Variants in FSTL4 observed in about 807,000 individuals in gnomAD.
The protein encoded by FSTL4 is follistatin-related protein 4.
Under a neutral mutation model 78.2 loss-of-function variants are expected in FSTL4, and 28 were observed. The observed-to-expected ratio is 0.36, with a 90% CI of 0.27 to 0.49. The LOEUF (loss-of-function observed/expected upper bound fraction) is 0.49, where lower values mean the gene tolerates loss of function less well. Among genes scored for constraint, FSTL4 ranks in the 20% least tolerant of loss-of-function variants. FSTL4 has a pLI of 0.98. For synonymous variants in FSTL4, 422 were observed against 440.5 expected (o/e 0.96, Z 0.53); for missense variants, 922 against 1,084.9 (o/e 0.85, Z 2.11).
chr5:133,542,224 TTCTTA>T (rs1286069194), intron 3 of FSTL4, among the ~76,000 whole-genome samples: 1 of 152,206 alleles, frequency 6.6e-6, no homozygotes, highest in Non-Finnish European at 1.5e-5. Context: ...TAAAATACTT[TTCTTA>T]TATCTATTGA....
At chr5:133,647,206 G>A in the FSTL4 span, among the ~76,000 whole-genome samples, 1 of 152,124 alleles carries the variant, frequency 6.6e-6, no homozygotes, top group Non-Finnish European at 1.5e-5. Flanking sequence ...ATCAGGAGAA[G>A]ATACAGCAGA....
At chr5:133,757,393 G>C in the FSTL4 span, among the ~76,000 whole-genome samples, 205 of 152,280 alleles carry the variant, frequency 1.3e-3, 3 homozygotes, top group South Asian at 0.021. Context: ...GTTTGAACCA[G>C]CTGTATTTCA....
chr5:133,730,086 G>A, the FSTL4 span, among the ~76,000 whole-genome samples: 4 of 152,204 alleles, frequency 2.6e-5, no homozygotes, highest in Non-Finnish European at 5.9e-5. Context: ...GATTGTGGGA[G>A]CCTGAGGAGA....
chr5:133,225,016 G>A lies in FSTL4; in HGVS notation c.1312+134C>T, dbSNP rs1751280198. ...CCCTCCAATTCCAGCTTTATGCAAA[G>A]AGGGATATGAGGCTTACCCCTGTCT... On this transcript the variant is annotated intron_variant, in intron 10 of 15. Coordinates refer to ENST00000265342, the MANE Select transcript of FSTL4 (RefSeq NM_015082.2). The surrounding 1 kb of genome is among the most constrained non-coding windows in gnomAD (Gnocchi z 4.6). The A allele has an allele frequency of 1.0e-6, 1 of 997,758 alleles. No homozygotes were observed. The highest frequency in any genetic ancestry group is 1.6e-5 in the African/African-American group (1 of 63,468). The allele number at this position is 997,758 out of a possible 1,614,324, so 61.8% of individuals were successfully genotyped here.
chr5:133,482,420 G>A (rs535456736), intron 3 of FSTL4, among the ~76,000 whole-genome samples: 2 of 152,244 alleles, frequency 1.3e-5, no homozygotes, highest in African/African-American at 2.4e-5. Flanking sequence ...GGCAAGGGTA[G>A]GGGCTGCCCA....
chr5:133,348,612 G>A (rs903082887), intron 4 of FSTL4, among the ~76,000 whole-genome samples: 20 of 152,224 alleles, frequency 1.3e-4, no homozygotes, highest in Non-Finnish European at 4.4e-5. Flanking sequence ...GAGTGCTCAC[G>A]GAGGTGACTG....
At chr5:133,472,134 A>G (rs1204093882) in intron 3 of FSTL4, among the ~76,000 whole-genome samples, 3 of 152,234 alleles carry the variant, frequency 2.0e-5, no homozygotes, top group Non-Finnish European at 4.4e-5. Context: ...TGAGTATACA[A>G]TAAACTGTAT....
At chr5:133,773,764 G>A in the FSTL4 span, among the ~76,000 whole-genome samples, 1 of 152,042 alleles carries the variant, frequency 6.6e-6, no homozygotes, top group Non-Finnish European at 1.5e-5. Flanking sequence ...TTACTCTTTT[G>A]AGTGTGTCAC....
intron 4 of FSTL4, among the ~76,000 whole-genome samples, chr5:133,352,944 T>C (rs1375775150): frequency 6.6e-6 from 1 of 152,238 alleles, no homozygotes; most frequent in Non-Finnish European, 1.5e-5. Flanking sequence ...AATTATATTT[T>C]AATCAAAGAT....
At chr5:133,753,381 C>A in the FSTL4 span, among the ~76,000 whole-genome samples, 1 of 152,156 alleles carries the variant, frequency 6.6e-6, no homozygotes, top group Non-Finnish European at 1.5e-5. Flanking sequence ...GACTTAACAG[C>A]CCTCATCACT....
chr5:133,613,726 G>A (rs1016942392), upstream of FSTL4, among the ~76,000 whole-genome samples: 1 of 152,204 alleles, frequency 6.6e-6, no homozygotes, highest in African/African-American at 2.4e-5. Flanking sequence ...GCTATGTAAT[G>A]CAGAGCCAAT....
the FSTL4 span, among the ~76,000 whole-genome samples, chr5:133,691,460 C>A: frequency 6.6e-6 from 1 of 152,088 alleles, no homozygotes; most frequent in Non-Finnish European, 1.5e-5. Flanking sequence ...TGGCTCTGAC[C>A]CACATCTAAA....
At chr5:133,761,279 C>T in the FSTL4 span, among the ~76,000 whole-genome samples, 1 of 152,274 alleles carries the variant, frequency 6.6e-6, no homozygotes, top group East Asian at 1.9e-4. Flanking sequence ...AAGAAGCCTA[C>T]ATTGAAATTT....
intron 6 of FSTL4, among the ~76,000 whole-genome samples, chr5:133,271,980 C>CG (rs1053271264): frequency 2.0e-5 from 3 of 151,744 alleles, no homozygotes; most frequent in African/African-American, 7.3e-5. Flanking sequence ...CAGCTTTGAC[C>CG]GGGGGGCTTT....
chr5:133,321,584 G>A (rs1319503108), intron 4 of FSTL4, among the ~76,000 whole-genome samples: 1 of 152,190 alleles, frequency 6.6e-6, no homozygotes, highest in Non-Finnish European at 1.5e-5. Flanking sequence ...GGTGGCTCAC[G>A]CCTATAATCC....
chr5:133,689,815 A>C, the FSTL4 span, among the ~76,000 whole-genome samples: 1 of 152,156 alleles, frequency 6.6e-6, no homozygotes, highest in Non-Finnish European at 1.5e-5. Context: ...TAATCCCAGC[A>C]CTTTGGAAGG....
At chr5:133,515,217 T>C (rs1758828890) in intron 3 of FSTL4, among the ~76,000 whole-genome samples, 1 of 152,004 alleles carries the variant, frequency 6.6e-6, no homozygotes, top group African/African-American at 2.4e-5. Context: ...AAATTCCTAA[T>C]AATAATAGAA....
chr5:133,776,593 T>C, the FSTL4 span, among the ~76,000 whole-genome samples: 2 of 152,176 alleles, frequency 1.3e-5, no homozygotes, highest in Non-Finnish European at 2.9e-5. Flanking sequence ...GCAAATACCT[T>C]TATTTCTCAG....
At chr5:133,253,434 G>A (rs910901900) in intron 6 of FSTL4, among the ~76,000 whole-genome samples, 4 of 152,298 alleles carry the variant, frequency 2.6e-5, no homozygotes, top group Non-Finnish European at 5.9e-5. Context: ...GGCCCCCCTC[G>A]CTTTTGACTC....
Sources: gnomAD v4.1 joint callset for allele counts (sites outside exome capture counted in the v4.1 genomes callset) on GRCh38, gnomAD v4.1.1 for gene constraint, Gnocchi (gnomAD v3.1) non-coding constraint, MANE v1.5 for transcripts, NCBI Gene and HGNC (gene_info 2026-07-23, HGNC 2026-07-21) for gene names.